The following CD44 variants were observed in gnomAD, a reference collection of about 807,000 sequenced individuals.
CD44 encodes CD44 molecule (IN blood group).
CD44 carries 49 observed loss-of-function variants against 88.8 expected under a neutral mutation model. The ratio of observed to expected loss-of-function variants is 0.55; its 90% CI spans 0.44 to 0.70. The LOEUF (loss-of-function observed/expected upper bound fraction) is 0.70. Among genes scored for constraint, CD44 ranks in the 30% least tolerant of loss-of-function variants. The probability of loss-of-function intolerance (pLI) is 0.00; values close to 1 mark genes in which losing one functional copy is unlikely to be tolerated. For missense variants in CD44, 883 were observed against 913.8 expected, an observed-to-expected ratio of 0.97 and a Z score of 0.43; for synonymous variants, 325 against 312.3, an observed-to-expected ratio of 1.04 and a Z score of -0.43.
At chr11:35,171,841 C>CAA (rs112643797) in intron 1 of CD44, among the ~76,000 whole-genome samples, 1 of 138,440 alleles carries the variant, frequency 7.2e-6, no homozygotes. Context: ...GATTAAGTAA[C>CAA]AAAAAAAAAA....
chr11:35,201,777 TACAAGC>T lies in CD44; in HGVS notation c.1149_1153+1del, dbSNP rs1391920124. The stretch of plus-strand genomic sequence containing the variant: ...ATGAGGAAGAAGAGACCCCACATTC[TACAAGC>T]ACAAGTAAGCAAGATGGCGGTCGGC... On this transcript the variant is annotated inframe_deletion, in exon 9 of 18. Coordinates refer to ENST00000428726, the MANE Select transcript of CD44 (RefSeq NM_000610.4). 1 of 1,613,536 alleles carries T rather than the reference TACAAGC, an allele frequency of 6.2e-7. No homozygotes were observed. The highest frequency in any genetic ancestry group is 8.5e-7 in the Non-Finnish European group (1 of 1,179,654).
chr11:35,146,399 T>C (rs1859185129), intron 1 of CD44, among the ~76,000 whole-genome samples: 1 of 152,238 alleles, frequency 6.6e-6, no homozygotes, highest in African/African-American at 2.4e-5. Flanking sequence ...TCATTTGTTT[T>C]TGAGAGCTCT....
chr11:35,154,799 C>A (rs937622778), intron 1 of CD44, among the ~76,000 whole-genome samples: 1 of 152,162 alleles, frequency 6.6e-6, no homozygotes, highest in Non-Finnish European at 1.5e-5. Context: ...CCTATCTGTA[C>A]ATACCAGCTG....
At chr11:35,181,937 T>TA (rs1565081096) in intron 3 of CD44, among the ~76,000 whole-genome samples, 1 of 66,942 alleles carries the variant, frequency 1.5e-5, no homozygotes, top group Non-Finnish European at 2.8e-5. Flanking sequence ...TATATATAAA[T>TA]TATATATAAT....
rs757215899 is a variant in CD44, at chr11:35,219,329, G to A, written c.1887G>A (p.Gly629=). 2.5e-6 allele frequency: 4 copies of A among 1,613,556 alleles called. No homozygotes were observed. The highest frequency in any genetic ancestry group is 3.4e-6 in the Non-Finnish European group (4 of 1,179,674). ...TTTTCCCCTTAGGACACTCACATGG[G>A]AGTCAAGAAGGTGGAGCAAACACAA... The part of the protein sequence containing the change: ...HGSESDGHSH[G]SQEGGANTTS... Residue 629 remains glycine (G), a synonymous_variant, in exon 16 of 18, where the codon GGG becomes GGA. Transcript: ENST00000428726.
Position 35,211,304 on chromosome 11 carries a change from T to A in CD44, c.1665T>A (p.Thr555=), listed in dbSNP as rs752042358. 6.8e-6 allele frequency: 11 copies of A among 1,613,976 alleles called. No individual in the cohort carries two copies. The highest frequency in any genetic ancestry group is 9.3e-6 in the Non-Finnish European group (11 of 1,179,908). The part of the protein sequence containing the change: ...RDPNHSEGST[T]LLEGYTSHYP... ...CAAATCATTCTGAAGGCTCAACTAC[T>A]TTACTGGAAGGTTATACCTCTCATT... The change falls in exon 14 of 18, where the codon ACT becomes ACA. Residue 555 remains threonine (T), a synonymous_variant. Coordinates refer to ENST00000428726, the MANE Select transcript of CD44 (RefSeq NM_000610.4).
chr11:35,143,356 G>A (rs1421542321), intron 1 of CD44, among the ~76,000 whole-genome samples: 1 of 150,814 alleles, frequency 6.6e-6, no homozygotes, highest in African/African-American at 2.4e-5. Flanking sequence ...ACTGCTCAGT[G>A]AGCACTGACT....
intron 1 of CD44, among the ~76,000 whole-genome samples, chr11:35,170,333 A>T (rs75938267): frequency 1.3e-5 from 2 of 152,272 alleles, no homozygotes; most frequent in South Asian, 4.1e-4. Context: ...GGACAAAAAA[A>T]CCTTCTTTCA....
intron 17 of CD44, among the ~76,000 whole-genome samples, chr11:35,227,586 T>A (rs1296879019): frequency 6.6e-6 from 1 of 152,148 alleles, no homozygotes; most frequent in African/African-American, 2.4e-5. Flanking sequence ...CCCCAACCCC[T>A]CATCAAGCCT....
chr11:35,157,542 T>C (rs1396085894), intron 1 of CD44, among the ~76,000 whole-genome samples: 7 of 152,214 alleles, frequency 4.6e-5, no homozygotes, highest in Non-Finnish European at 8.8e-5. Context: ...TCTATATCTA[T>C]CATCTTTTAA....
chr11:35,140,384 G>T (rs1857667127), intron 1 of CD44, among the ~76,000 whole-genome samples: 1 of 152,202 alleles, frequency 6.6e-6, no homozygotes. Context: ...CTTTTAAGAA[G>T]TGCCAGCTGG....
At chr11:35,143,641 C>T (rs1194192649) in intron 1 of CD44, among the ~76,000 whole-genome samples, 1 of 152,086 alleles carries the variant, frequency 6.6e-6, no homozygotes, top group Non-Finnish European at 1.5e-5. Flanking sequence ...CACTACCTGT[C>T]CCCTGTGGCC....
At position 35,229,720 on chromosome 11, in the gene CD44, A is replaced by G. The variant is rs993794402; in HGVS notation, c.*387A>G. 2.5e-5 allele frequency: 5 copies of G among 196,550 alleles called. No homozygotes were observed. Among genetic ancestry groups the G allele is most frequent in the African/African-American group, 1.2e-4 (5 of 42,636 alleles). The allele number at this position is 196,550 out of a possible 1,614,324, so 12.2% of individuals were successfully genotyped here. On this transcript the variant is annotated 3_prime_UTR_variant, in exon 18 of 18. Transcript: ENST00000428726. ...TTAATAGGGCCTGGTCCCTGGGAGG[A>G]AATTTGAATGGGTCCATTTTGCCCT... is the stretch of plus-strand genomic sequence containing the variant.
chr11:35,178,115 T>C (rs1320654142), intron 2 of CD44, among the ~76,000 whole-genome samples: 2 of 152,388 alleles, frequency 1.3e-5, no homozygotes, highest in Non-Finnish European at 2.9e-5. Flanking sequence ...AAAGGCCATT[T>C]AGCAAATCCA....
intron 6 of CD44, chr11:35,197,168 T>A (rs543709240): frequency 6.3e-5 from 15 of 237,918 alleles, no homozygotes; most frequent in African/African-American, 3.3e-4. Flanking sequence ...CTCTGAAAGA[T>A]CATTCATGTA....
intron 17 of CD44, among the ~76,000 whole-genome samples, chr11:35,227,205 A>G (rs1949764369): frequency 6.6e-6 from 1 of 150,866 alleles, no homozygotes; most frequent in African/African-American, 2.4e-5. Flanking sequence ...TTCTTTTTTG[A>G]AACAGGGTCT....
chr11:35,141,685 G>A (rs1466149843), intron 1 of CD44, among the ~76,000 whole-genome samples: 1 of 152,188 alleles, frequency 6.6e-6, no homozygotes. Flanking sequence ...CCTGCCCCGT[G>A]TTTCCACGGC....
chr11:35,228,968 G>A (rs1949912237), intron 17 of CD44, among the ~76,000 whole-genome samples, 161 bp from the exon 18 acceptor site: 1 of 152,196 alleles, frequency 6.6e-6, no homozygotes, highest in Admixed American at 6.5e-5. Flanking sequence ...AGTGCTGGTT[G>A]TTAGTTGTTA....
intron 1 of CD44, among the ~76,000 whole-genome samples, chr11:35,154,081 G>C (rs1941535556): frequency 6.6e-6 from 1 of 152,142 alleles, no homozygotes; most frequent in African/African-American, 2.4e-5. Flanking sequence ...AAAAATTCTG[G>C]AGAAGCAAAA....
Sources: allele counts gnomAD v4.1 joint callset (sites outside exome capture counted in the v4.1 genomes callset), GRCh38; gene constraint gnomAD v4.1.1; transcripts MANE v1.5; gene names NCBI Gene and HGNC (gene_info 2026-07-23, HGNC 2026-07-21).